NRXN3: variants seen among roughly 807,000 people sequenced by gnomAD.
The protein encoded by NRXN3 is neurexin III.
Under a neutral mutation model 137.6 loss-of-function variants are expected in NRXN3, and 32 were observed. The ratio of observed to expected loss-of-function variants is 0.23; its 90% CI spans 0.18 to 0.31. The LOEUF is 0.31. Ranked by LOEUF, NRXN3 falls within the 10% of genes least tolerant of loss-of-function variation. NRXN3 has a pLI of 1.00. For missense variants in NRXN3, 1,574 were observed against 2,062.5 expected (o/e 0.76, Z 4.59); for synonymous variants, 798 against 784.5 (o/e 1.02, Z -0.29).
At chr14:79,101,527 CCT>C (rs2051299575) in intron 15 of NRXN3, among the ~76,000 whole-genome samples, 1 of 152,030 alleles carries the variant, frequency 6.6e-6, no homozygotes, top group Non-Finnish European at 1.5e-5. Context: ...TGGGCCATGC[CCT>C]GTGTTGTCTG....
At chr14:78,235,023 T>TATATAA (rs61371349) in intron 1 of NRXN3, among the ~76,000 whole-genome samples, 2 of 98,706 alleles carry the variant, frequency 2.0e-5, no homozygotes, top group African/African-American at 8.9e-5. Flanking sequence ...TATATATATA[T>TATATAA]GTGTATATAT....
At chr14:79,265,231 C>CTTTT (rs936690790) in intron 15 of NRXN3, among the ~76,000 whole-genome samples, 26 of 91,884 alleles carry the variant, frequency 2.8e-4, no homozygotes, top group African/African-American at 9.8e-4. Context: ...GGGGGTTGCT[C>CTTTT]TTTTTTTTTT....
At chr14:79,518,892 A>G (rs541412049) in intron 16 of NRXN3, among the ~76,000 whole-genome samples, 1 of 152,298 alleles carries the variant, frequency 6.6e-6, no homozygotes, top group East Asian at 1.9e-4. Context: ...TTCTCAAGTT[A>G]AATCCCGTTA....
At chr14:78,581,247 C>A (rs996038078) in intron 4 of NRXN3, among the ~76,000 whole-genome samples, 3 of 152,202 alleles carry the variant, frequency 2.0e-5, no homozygotes, top group Non-Finnish European at 4.4e-5. Flanking sequence ...ATTTGTGCTG[C>A]TGGAACAAAA....
intron 12 of NRXN3, among the ~76,000 whole-genome samples, chr14:78,966,747 A>G (rs1190062886): frequency 6.6e-6 from 1 of 152,210 alleles, no homozygotes; most frequent in Non-Finnish European, 1.5e-5. Flanking sequence ...CAACCACCCA[A>G]TTTATACCAA....
intron 4 of NRXN3, among the ~76,000 whole-genome samples, chr14:78,393,982 A>ATG (rs373797655): frequency 4.0e-5 from 6 of 151,636 alleles, no homozygotes; most frequent in East Asian, 1.9e-4. Flanking sequence ...TATTGGTTCT[A>ATG]TGTGTGTGTG....
chr14:79,777,616 AT>A (rs916986697), intron 19 of NRXN3, among the ~76,000 whole-genome samples: 12 of 151,966 alleles, frequency 7.9e-5, no homozygotes, highest in Middle Eastern at 3.4e-3. Context: ...ATGGATGTGA[AT>A]TTTTTTTATC....
chr14:78,220,839 A>T (rs1260499094), intron 1 of NRXN3, among the ~76,000 whole-genome samples: 2 of 152,040 alleles, frequency 1.3e-5, no homozygotes, highest in African/African-American at 4.8e-5. Flanking sequence ...GCCAGAGGGG[A>T]GAGAAGCACA....
chr14:78,810,244 G>T, intron 9 of NRXN3, 74 bp from the exon 10 acceptor site: 1 of 889,456 alleles, frequency 1.1e-6, no homozygotes, highest in Non-Finnish European at 1.8e-6. Context: ...AGGGTGGACT[G>T]ATTGTTTTTG....
At chr14:79,488,158 G>A (rs1259561636) in intron 16 of NRXN3, among the ~76,000 whole-genome samples, 1 of 152,152 alleles carries the variant, frequency 6.6e-6, no homozygotes, top group Non-Finnish European at 1.5e-5. Flanking sequence ...TTACCTAAAA[G>A]AGGTCATCTC....
intron 4 of NRXN3, among the ~76,000 whole-genome samples, chr14:78,470,607 G>A (rs945215003): frequency 2.0e-5 from 3 of 152,026 alleles, no homozygotes; most frequent in Non-Finnish European, 4.4e-5. Context: ...GTGTTCATCT[G>A]ACATTAAGAT....
intron 11 of NRXN3, among the ~76,000 whole-genome samples, chr14:78,961,890 A>G (rs1031621371): frequency 1.3e-5 from 2 of 152,180 alleles, no homozygotes; most frequent in African/African-American, 2.4e-5. Context: ...CTTGTTGGCC[A>G]TCAGTGCAAT....
chr14:79,315,312 G>T (rs1407602317), intron 15 of NRXN3, among the ~76,000 whole-genome samples: 1 of 152,110 alleles, frequency 6.6e-6, no homozygotes, highest in African/African-American at 2.4e-5. Flanking sequence ...AACTTTGACA[G>T]GTGTTTGGGA....
chr14:79,732,870 T>C (rs1328229659), intron 19 of NRXN3, among the ~76,000 whole-genome samples: 1 of 152,130 alleles, frequency 6.6e-6, no homozygotes, highest in African/African-American at 2.4e-5. Flanking sequence ...AAACACTATT[T>C]ATACAGTATT....
chr14:79,806,938 T>TTATATA (rs1296037210), intron 20 of NRXN3, among the ~76,000 whole-genome samples: 2,203 of 57,994 alleles, frequency 0.038, 143 homozygotes, highest in Middle Eastern at 0.048. Flanking sequence ...GGCTTTAATT[T>TTATATA]TATATATATA....
chr14:78,942,329 A>G (rs2099354713), intron 10 of NRXN3, among the ~76,000 whole-genome samples: 1 of 152,286 alleles, frequency 6.6e-6, no homozygotes, highest in South Asian at 2.1e-4. Flanking sequence ...TCTGACTCTT[A>G]ACTCTTCCTG....
chr14:79,631,663 G>A (rs2098349566), intron 16 of NRXN3, among the ~76,000 whole-genome samples: 1 of 146,740 alleles, frequency 6.8e-6, no homozygotes, highest in Non-Finnish European at 1.5e-5. Flanking sequence ...CTTTTGGGTG[G>A]AGTGGGGACC....
At chr14:79,175,464 G>A (rs533299947) in intron 15 of NRXN3, among the ~76,000 whole-genome samples, 3 of 152,158 alleles carry the variant, frequency 2.0e-5, no homozygotes, top group Non-Finnish European at 4.4e-5. Context: ...AAACTTACAA[G>A]TATCCATTGC....
At chr14:78,688,591 T>A (rs1407609155) in intron 6 of NRXN3, among the ~76,000 whole-genome samples, 1 of 151,948 alleles carries the variant, frequency 6.6e-6, no homozygotes, top group Non-Finnish European at 1.5e-5. Flanking sequence ...AGCAGTAAAG[T>A]GGGGTCAGTA....
Sources: allele counts gnomAD v4.1 joint callset (sites outside exome capture counted in the v4.1 genomes callset), GRCh38; gene constraint gnomAD v4.1.1; transcripts MANE v1.5; gene names NCBI Gene and HGNC (gene_info 2026-07-23, HGNC 2026-07-21).